RSRC1: variants seen among roughly 807,000 people sequenced by gnomAD.
The protein encoded by RSRC1 is serine/Arginine-related protein 53.
A neutral mutation model predicts 49.1 loss-of-function variants in RSRC1; 39 were observed. The observed-to-expected ratio is 0.79, with a 90% CI of 0.61 to 1.04. RSRC1 has a LOEUF of 1.04. Among genes scored for constraint, RSRC1 ranks in the 50% least tolerant of loss-of-function variants. RSRC1 has a pLI of 0.00. For missense variants in RSRC1, 388 were observed against 402.4 expected (o/e 0.96, Z 0.31); for synonymous variants, 143 against 130.8 (o/e 1.09, Z -0.63).
chr3:158,259,642 GC>G (rs1185289103), intron 4 of RSRC1, among the ~76,000 whole-genome samples: 1 of 152,162 alleles, frequency 6.6e-6, no homozygotes, highest in Admixed American at 6.5e-5. Context: ...GTCTAGCCTG[GC>G]TTGTGTCCTT....
intron 7 of RSRC1, among the ~76,000 whole-genome samples, chr3:158,486,867 C>G (rs1353291335): frequency 6.6e-6 from 1 of 152,088 alleles, no homozygotes; most frequent in Non-Finnish European, 1.5e-5. Flanking sequence ...AAATTATTTT[C>G]CTAGCATTAT....
intron 6 of RSRC1, among the ~76,000 whole-genome samples, chr3:158,392,054 C>T (rs1445574689): frequency 6.6e-6 from 1 of 152,034 alleles, no homozygotes; most frequent in Non-Finnish European, 1.5e-5. Context: ...TTAATGAAAG[C>T]AAACAAGTTT....
intron 4 of RSRC1, among the ~76,000 whole-genome samples, chr3:158,275,466 G>C (rs759589998): frequency 9.2e-5 from 14 of 152,254 alleles, no homozygotes; most frequent in Non-Finnish European, 1.8e-4. Context: ...CATCATCCCA[G>C]TAAAGCTGCA....
intron 4 of RSRC1, among the ~76,000 whole-genome samples, chr3:158,210,459 A>T (rs1369935155): frequency 2.0e-5 from 3 of 149,404 alleles, no homozygotes; most frequent in African/African-American, 7.4e-5. Context: ...CCTTTAACAC[A>T]TGTCATTATA....
chr3:158,130,531 A>G (rs1386133656), intron 3 of RSRC1, among the ~76,000 whole-genome samples: 2 of 152,210 alleles, frequency 1.3e-5, no homozygotes, highest in African/African-American at 4.8e-5. Context: ...ACATAATGAG[A>G]TATCTTGGGG....
chr3:158,470,558 C>T (rs1738093037), intron 7 of RSRC1, among the ~76,000 whole-genome samples: 1 of 151,922 alleles, frequency 6.6e-6, no homozygotes, highest in South Asian at 2.1e-4. Context: ...TTCTAAACTA[C>T]AGTTGTTCCA....
rs79008363 is a variant in RSRC1 at position 158,408,197 on chromosome 3, G to A, written c.584-52738G>A. On this transcript the variant is annotated intron_variant, in intron 6 of 9. Coordinates refer to ENST00000611884, the MANE Select transcript of RSRC1 (RefSeq NM_001271838.2). ...ACACCTTCCTCAGCTCGTTCACTGA[G>A]CCATTATTAAAACTTATTTTCTCAA... Among the ~76,000 whole-genome samples the A allele has an allele frequency of 5.1e-4, 77 of 152,254 alleles. No individual in the cohort carries two copies. The East Asian group carries it at 0.014, about 28-fold the overall frequency.
intron 4 of RSRC1, among the ~76,000 whole-genome samples, chr3:158,229,335 T>G (rs1722795199): frequency 6.8e-6 from 1 of 147,516 alleles, no homozygotes; most frequent in South Asian, 2.1e-4. Context: ...CAGGTATATG[T>G]GTATGTATGT....
At chr3:158,517,861 C>A (rs1006819600) in intron 7 of RSRC1, among the ~76,000 whole-genome samples, 1 of 136,000 alleles carries the variant, frequency 7.4e-6, no homozygotes, top group African/African-American at 2.8e-5. Flanking sequence ...GCCTCTGCTT[C>A]GCAAAGTGAG....
At chr3:158,355,231 T>C (rs1170667001) in intron 6 of RSRC1, among the ~76,000 whole-genome samples, 2 of 151,964 alleles carry the variant, frequency 1.3e-5, no homozygotes, top group African/African-American at 4.8e-5. Flanking sequence ...AAGAATTCTT[T>C]GACTAATCCC....
At chr3:158,298,642 TATTG>T (rs1418080013) in intron 5 of RSRC1, among the ~76,000 whole-genome samples, 1 of 152,132 alleles carries the variant, frequency 6.6e-6, no homozygotes, top group African/African-American at 2.4e-5. Context: ...TAAAATCTGT[TATTG>T]ATCAAAAAAT....
intron 7 of RSRC1, among the ~76,000 whole-genome samples, chr3:158,466,829 AG>A (rs1371629336): frequency 5.9e-5 from 9 of 152,176 alleles, no homozygotes; most frequent in Non-Finnish European, 1.0e-4. Flanking sequence ...TGGAAGGCCA[AG>A]GAAGGAGGGT....
intron 5 of RSRC1, among the ~76,000 whole-genome samples, chr3:158,350,237 G>A (rs953785702): frequency 4.1e-5 from 6 of 144,974 alleles, no homozygotes; most frequent in African/African-American, 1.3e-4. Context: ...GAGTACAGTC[G>A]TGTGATCTCA....
chr3:158,543,568 C>A, intron 9 of RSRC1, 81 bp downstream of exon 9: 1 of 1,389,022 alleles, frequency 7.2e-7, no homozygotes, highest in Non-Finnish European at 9.8e-7. Flanking sequence ...TTTGTGCTAA[C>A]ACCAAGGAGA....
intron 6 of RSRC1, among the ~76,000 whole-genome samples, chr3:158,412,504 C>T (rs997476143): frequency 2.0e-5 from 3 of 152,066 alleles, no homozygotes; most frequent in African/African-American, 7.2e-5. Context: ...ATTTTCTATA[C>T]ATATTAAGTG....
At chr3:158,468,122 A>T (rs1204898622) in intron 7 of RSRC1, among the ~76,000 whole-genome samples, 1 of 152,116 alleles carries the variant, frequency 6.6e-6, no homozygotes, top group East Asian at 1.9e-4. Context: ...TTTAGTACAG[A>T]TGGGGTTTCA....
At position 158,203,231 on chromosome 3, in the gene RSRC1, T is replaced by C. The variant is rs1303012240; in HGVS notation, c.480T>C (p.His160=). The C allele has an allele frequency of 6.3e-7, 1 of 1,590,198 alleles. No individual in the cohort carries two copies. The highest frequency in any genetic ancestry group is 1.1e-5 in the South Asian group (1 of 87,508). ...EKDKGKDKEL[H]NIKRGESGNI... ...ATAAAGGGAAGGACAAGGAATTACA[T>C]AACATCAAACGTGGGTAAGTTGGAG... Residue 160 remains histidine (H), a synonymous_variant, in exon 4 of 10, where the codon CAT becomes CAC. Coordinates refer to ENST00000611884, the MANE Select transcript of RSRC1 (RefSeq NM_001271838.2).
At chr3:158,414,066 A>G (rs780352750) in intron 6 of RSRC1, among the ~76,000 whole-genome samples, 37 of 152,162 alleles carry the variant, frequency 2.4e-4, no homozygotes, top group Non-Finnish European at 5.9e-5. Flanking sequence ...ACCCAAAGGA[A>G]TATAAATTAT....
intron 7 of RSRC1, among the ~76,000 whole-genome samples, chr3:158,468,831 T>C (rs1738001976): frequency 6.6e-6 from 1 of 152,152 alleles, no homozygotes; most frequent in South Asian, 2.1e-4. Flanking sequence ...TTAACACCTT[T>C]ACAAAATTAA....
Sources: gnomAD v4.1 joint callset for allele counts (sites outside exome capture counted in the v4.1 genomes callset) on GRCh38, gnomAD v4.1.1 for gene constraint, MANE v1.5 for transcripts, NCBI Gene and HGNC (gene_info 2026-07-23, HGNC 2026-07-21) for gene names.